Variants in FHAD1 observed in about 807,000 individuals in gnomAD.
The protein encoded by FHAD1 is forkhead associated phosphopeptide binding domain 1.
FHAD1 carries 146 observed loss-of-function variants against 191.3 expected under a neutral mutation model. The observed-to-expected ratio is 0.76, with a 90% CI of 0.67 to 0.88. The LOEUF is 0.88. Among genes scored for constraint, FHAD1 ranks in the 40% least tolerant of loss-of-function variants. The probability of loss-of-function intolerance (pLI) is 0.00; values close to 1 mark genes in which losing one functional copy is unlikely to be tolerated. For missense variants in FHAD1, 1,635 were observed against 1,785.8 expected (o/e 0.92, Z 1.52); for synonymous variants, 616 against 672.3 (o/e 0.92, Z 1.29).
intron 32 of FHAD1, among the ~76,000 whole-genome samples, chr1:15,389,089 T>C (rs1331174070): frequency 6.6e-6 from 1 of 152,062 alleles, no homozygotes; most frequent in Non-Finnish European, 1.5e-5. Context: ...AGGGTATGAG[T>C]CCCAACATCC....
intron 1 of FHAD1, among the ~76,000 whole-genome samples, chr1:15,251,535 TTTGA>T (rs139258007): frequency 0.29 from 44,102 of 151,910 alleles, 7,423 homozygotes; most frequent in Non-Finnish European, 0.39. Context: ...ATGCCCTCTG[TTTGA>T]TTATTAGAAC....
In FHAD1 at chr1:15,345,071, A is replaced by G. The variant is rs766851214; in HGVS notation, c.2131-12A>G. ...TAACCATGTCTGTTAAACAATGGTC[A>G]TTGGTTTCCAGGCTTTGGAGGAGTA... On this transcript the variant is annotated splice_polypyrimidine_tract_variant and intron_variant, in intron 16 of 33. Transcript: ENST00000688493. 1.2e-5 allele frequency: 19 copies of G among 1,541,458 alleles called. No individual in the cohort carries two copies. The South Asian group carries it at 2.0e-4, about 16-fold the overall frequency.
chr1:15,375,513 G>GT (rs1224489193), intron 27 of FHAD1, 90 bp from the exon 28 acceptor site: 1 of 1,246,908 alleles, frequency 8.0e-7, no homozygotes, highest in African/African-American at 1.5e-5. Flanking sequence ...ACAGGCCTGT[G>GT]TAAGTGTCCT....
chr1:15,260,483 C>G (rs1650510745), intron 2 of FHAD1, among the ~76,000 whole-genome samples: 1 of 152,208 alleles, frequency 6.6e-6, no homozygotes, highest in Non-Finnish European at 1.5e-5. Flanking sequence ...CACTCAAGGC[C>G]AAAATCAAAG....
chr1:15,239,710 A>G (rs1475971359), intron 1 of FHAD1, among the ~76,000 whole-genome samples: 1 of 152,212 alleles, frequency 6.6e-6, no homozygotes, highest in Non-Finnish European at 1.5e-5. Flanking sequence ...TGATTCTGAC[A>G]TGGGGCCAGG....
chr1:15,362,283 G>A (rs1230827013), intron 22 of FHAD1, among the ~76,000 whole-genome samples: 4 of 152,224 alleles, frequency 2.6e-5, no homozygotes, highest in South Asian at 2.1e-4. Context: ...AGAGGAAGGC[G>A]CTAAACACAG....
At chr1:15,395,547 T>C (rs977470023) in intron 33 of FHAD1, among the ~76,000 whole-genome samples, 2 of 152,126 alleles carry the variant, frequency 1.3e-5, no homozygotes, top group African/African-American at 4.8e-5. Flanking sequence ...CCCCGACTCC[T>C]AGGAGTGGGC....
intron 15 of FHAD1, among the ~76,000 whole-genome samples, chr1:15,340,449 A>G (rs1686100460): frequency 6.6e-6 from 1 of 152,120 alleles, no homozygotes; most frequent in South Asian, 2.1e-4. Flanking sequence ...CCTCAGCTGG[A>G]GTGACTCAGC....
intron 1 of FHAD1, among the ~76,000 whole-genome samples, chr1:15,238,250 G>GAA (rs35058576): frequency 0.2 from 19,622 of 96,748 alleles, 2,490 homozygotes; most frequent in Middle Eastern, 0.29. Context: ...CCATCTCAAG[G>GAA]AAAAAAAAAA....
intron 3 of FHAD1, among the ~76,000 whole-genome samples, chr1:15,284,144 T>C (rs1661534737): frequency 6.6e-6 from 1 of 152,188 alleles, no homozygotes; most frequent in Non-Finnish European, 1.5e-5. Flanking sequence ...CAGCACAGCC[T>C]AGCACCTAGA....
At chr1:15,375,313 A>G (rs1558267982) in intron 27 of FHAD1, among the ~76,000 whole-genome samples, 1 of 152,090 alleles carries the variant, frequency 6.6e-6, no homozygotes. Context: ...CTGGTCTAGG[A>G]CCTGGAAGCC....
chr1:15,359,165 CT>C (rs1693833478), intron 21 of FHAD1, among the ~76,000 whole-genome samples: 1 of 151,996 alleles, frequency 6.6e-6, no homozygotes, highest in Non-Finnish European at 1.5e-5. Flanking sequence ...GAGCGACCCT[CT>C]TTTGGAGAAG....
At chr1:15,375,557 C>G in intron 27 of FHAD1, 46 bp from the exon 28 acceptor site, 1 of 1,480,244 alleles carries the variant, frequency 6.8e-7, no homozygotes, top group Non-Finnish European at 8.9e-7. Context: ...CATGAAACAA[C>G]TTCTTCCTGA....
At chr1:15,377,368 C>G (rs558252663) in intron 28 of FHAD1, among the ~76,000 whole-genome samples, 8 of 152,244 alleles carry the variant, frequency 5.3e-5, no homozygotes, top group Non-Finnish European at 1.0e-4. Context: ...TGACCCGCTC[C>G]CAAGACAGGC....
In FHAD1 at chr1:15,289,948, G is replaced by A. The variant is rs2100569133; in HGVS notation, c.568+282G>A. ...CCTGCAGTGGGTGTGGCCTCTGTGTGTGTGTACATATGAGTGTGTCATGGG... is the reference window on the plus strand; with the variant it reads ...CCTGCAGTGGGTGTGGCCTCTGTGTATGTGTACATATGAGTGTGTCATGGG... On this transcript the variant is annotated intron_variant, in intron 4 of 33. Coordinates refer to ENST00000688493, the MANE Select transcript of FHAD1 (RefSeq NM_001391957.1). The surrounding 1 kb of genome is among the most constrained non-coding windows in gnomAD (Gnocchi z 4.2). Among the ~76,000 whole-genome samples the A allele has an allele frequency of 6.6e-6, 1 of 152,298 alleles. No homozygotes were observed. Among genetic ancestry groups the A allele is most frequent in the African/African-American group, 2.4e-5 (1 of 41,566 alleles).
intron 21 of FHAD1, among the ~76,000 whole-genome samples, chr1:15,359,936 A>C (rs515216): frequency 0.5 from 74,843 of 150,942 alleles, 19,779 homozygotes; most frequent in East Asian, 0.77. Flanking sequence ...GGTGACAGAG[A>C]GAGACTCCGT....
intron 2 of FHAD1, among the ~76,000 whole-genome samples, chr1:15,252,160 T>C (rs951131288): frequency 2.0e-5 from 3 of 152,280 alleles, no homozygotes; most frequent in Non-Finnish European, 2.9e-5. Flanking sequence ...AGCCCCAAAG[T>C]AGGGCTTATC....
At chr1:15,305,913 G>C in intron 6 of FHAD1, 3 of 242,750 alleles carry the variant, frequency 1.2e-5, no homozygotes, top group Non-Finnish European at 2.4e-5. Context: ...GGTACCAATA[G>C]AGTGGGGCAT....
At chr1:15,360,918 C>T (rs112647118) in intron 22 of FHAD1, among the ~76,000 whole-genome samples, 4 of 152,300 alleles carry the variant, frequency 2.6e-5, no homozygotes, top group African/African-American at 7.2e-5. Context: ...TTGGGACATC[C>T]TTTGTGCCTA....
Sources: allele counts gnomAD v4.1 joint callset (sites outside exome capture counted in the v4.1 genomes callset), GRCh38; gene constraint gnomAD v4.1.1; non-coding constraint Gnocchi (gnomAD v3.1); transcripts MANE v1.5; gene names NCBI Gene and HGNC (gene_info 2026-07-23, HGNC 2026-07-21).